The following AP2A1 variants were observed in gnomAD, a reference collection of about 807,000 sequenced individuals.
The protein encoded by AP2A1 is adaptor related protein complex 2 subunit alpha 1, also known as AP-2 complex subunit alpha-1.
A neutral mutation model predicts 107.3 loss-of-function variants in AP2A1; 21 were observed. That is an observed-to-expected ratio of 0.20 (90% confidence interval 0.14 to 0.28). The LOEUF (loss-of-function observed/expected upper bound fraction) is 0.28. AP2A1 is among the 10% of genes least tolerant of loss of function. The probability of loss-of-function intolerance (pLI) is 1.00; values close to 1 mark genes in which losing one functional copy is unlikely to be tolerated. For synonymous variants in AP2A1, 602 were observed against 564.8 expected (o/e 1.07, Z -0.93); for missense variants, 873 against 1,307.7 (o/e 0.67, Z 5.13).
chr19:49,781,144 G>A (rs1177595303), intron 1 of AP2A1, among the ~76,000 whole-genome samples: 4 of 152,148 alleles, frequency 2.6e-5, no homozygotes, highest in Non-Finnish European at 5.9e-5. Context: ...CCACAAGCAG[G>A]TCCTGTCAGA....
Position 49,800,962 on chromosome 19 carries a change from C to T in AP2A1, c.1457C>T (p.Ala486Val), listed in dbSNP as rs776527462. ...QGYAAKTVFE[A>V]LQAPACHENM... Reference sequence around the variant, plus strand: ...CACGCCCTTCCCCACCCCACTCAGGCGCTCCAGGCCCCTGCCTGTCACGAG... The same window carrying T: ...CACGCCCTTCCCCACCCCACTCAGGTGCTCCAGGCCCCTGCCTGTCACGAG... Residue 486 changes from alanine (A) to valine (V), a missense_variant and splice_region_variant, in exon 12 of 23, where the codon GCG (alanine) becomes GTG (valine). Physicochemically the swap from Ala to Val is moderately conservative, Grantham distance 64. Transcript: ENST00000354293. The T allele has an allele frequency of 5.0e-6, 8 of 1,593,198 alleles. No homozygotes were observed. The highest frequency in any genetic ancestry group is 3.4e-5 in the South Asian group (3 of 87,688).
At chr19:49,777,096 G>A (rs1472965401) in intron 1 of AP2A1, among the ~76,000 whole-genome samples, 1 of 148,772 alleles carries the variant, frequency 6.7e-6, no homozygotes, top group Non-Finnish European at 1.5e-5. Flanking sequence ...AAAGCCAGGT[G>A]TGGTGGTGGG....
chr19:49,795,683 A>T lies in AP2A1; in HGVS notation c.759A>T (p.Pro253=), dbSNP rs1416253271. ...AGGACTACACCTACTACTTCGTCCC[A>T]GCACCCTGGCTCTCGGTGAAGCTCC... ...DLQDYTYYFV[P]APWLSVKLLR... is the part of the protein sequence containing the mutation. Residue 253 remains proline, a synonymous_variant, in exon 7 of 23, where the codon CCA becomes CCT. Transcript: ENST00000354293. 6.6e-7 allele frequency: 1 copy of T among 1,521,278 alleles called. No individual in the cohort carries two copies. The highest frequency in any genetic ancestry group is 1.5e-5 in the African/African-American group (1 of 66,854). 94.2% of individuals were successfully genotyped at this position (1,521,278 alleles called of 1,614,324 possible).
In AP2A1 at chr19:49,767,172, C is replaced by T. The variant is rs2084511019; in HGVS notation, c.39C>T (p.Leu13=). 1.2e-6 allele frequency: 2 copies of T among 1,611,878 alleles called. No homozygotes were observed. Among genetic ancestry groups the T allele is most frequent in the African/African-American group, 1.3e-5 (1 of 74,966 alleles). Reference sequence around the variant, plus strand: ...CCAAGGGCGATGGGATGCGGGGGCTCGCGGTGTTCATCTCCGACATCCGGA... The same window carrying T: ...CCAAGGGCGATGGGATGCGGGGGCTTGCGGTGTTCATCTCCGACATCCGGA... ...AVSKGDGMRG[L]AVFISDIRNC... Residue 13 remains leucine, a synonymous_variant, in exon 1 of 23, where the codon CTC becomes CTT. Transcript: ENST00000354293.
Position 49,806,092 on chromosome 19 carries a change from C to T in AP2A1, c.2656-27C>T, listed in dbSNP as rs369890021. On this transcript the variant is annotated intron_variant, in intron 21 of 22. Transcript: ENST00000354293. ...TGTGGTAACTAACAGCTCTGGCACA[C>T]TCTGACGGCGCCCCCCCTCCTCCCA... 1.3e-5 allele frequency: 20 copies of T among 1,575,072 alleles called. No homozygotes were observed. The African/African-American group carries it at 2.3e-4, about 18-fold the overall frequency.
intron 4 of AP2A1, among the ~76,000 whole-genome samples, chr19:49,789,604 T>G (rs918528684): frequency 3.3e-5 from 5 of 150,352 alleles, no homozygotes; most frequent in African/African-American, 7.4e-5. Context: ...TTTTTTTTTT[T>G]TTTTTGTAGA....
chr19:49,769,243 C>T lies in AP2A1; in HGVS notation c.67+2043C>T, dbSNP rs150949549. Among the ~76,000 whole-genome samples, 726 of 122,210 alleles carry T rather than the reference C, an allele frequency of 5.9e-3. 8 individuals are homozygous for T. Among genetic ancestry groups the T allele is most frequent in the African/African-American group, 0.022 (684 of 30,654 alleles). 80.2% of individuals were successfully genotyped at this position (122,210 alleles called of 152,430 possible). On this transcript the variant is annotated intron_variant, in intron 1 of 22. Coordinates refer to ENST00000354293, the MANE Select transcript of AP2A1 (RefSeq NM_130787.3). ...TCCAGGCTGGGCAACAAGAGTGAAACTCCGTCTCCAAAAATAAAAAAAAAG... is the reference window on the plus strand; with the variant it reads ...TCCAGGCTGGGCAACAAGAGTGAAATTCCGTCTCCAAAAATAAAAAAAAAG...
At position 49,779,487 on chromosome 19, in the gene AP2A1, CAAAAAAAA is replaced by C. The variant is rs370114853; in HGVS notation, c.68-2253_68-2246del. ...CACCACTGCACTCCAGCCTGGGCTA[CAAAAAAAA>C]AAAAAAAAAAAAAAAACAGAAACAG... On this transcript the variant is annotated intron_variant, in intron 1 of 22. Transcript: ENST00000354293. Among the ~76,000 whole-genome samples the C allele has an allele frequency of 3.6e-5, 3 of 83,958 alleles. No individual in the cohort carries two copies. In the South Asian group the frequency reaches 1.3e-3, roughly 35 times the overall value. 55.1% of individuals were successfully genotyped at this position (83,958 alleles called of 152,430 possible).
intron 3 of AP2A1, 74 bp from the exon 4 acceptor site, chr19:49,782,457 C>T (rs2123694447): frequency 1.3e-6 from 2 of 1,487,106 alleles, no homozygotes; most frequent in Admixed American, 4.1e-5. Flanking sequence ...GGCCTGGACT[C>T]CTGGGTCTGA....
chr19:49,791,808 C>T, intron 4 of AP2A1, 127 bp from the exon 5 acceptor site: 2 of 1,272,770 alleles, frequency 1.6e-6, no homozygotes, highest in Non-Finnish European at 2.1e-6. Context: ...GATCCTGCGG[C>T]CGCCTGGCTG....
rs760847774 is a variant in AP2A1 at position 49,806,672 on chromosome 19, C to A, written c.2791-9C>A. On this transcript the variant is annotated splice_polypyrimidine_tract_variant and intron_variant, in intron 22 of 22. Coordinates refer to ENST00000354293, the MANE Select transcript of AP2A1 (RefSeq NM_130787.3). The stretch of plus-strand genomic sequence containing the variant: ...TCCTCTGAGTTCTGCCCCCAATGCC[C>A]CCACCCAGATGTACCGGCTGACCCT... The A allele has an allele frequency of 2.5e-6, 4 of 1,612,516 alleles. No homozygotes were observed. Among genetic ancestry groups the A allele is most frequent in the Non-Finnish European group, 2.5e-6 (3 of 1,179,758 alleles).
intron 22 of AP2A1, 65 bp from the exon 23 acceptor site, chr19:49,806,616 C>T: frequency 6.2e-7 from 1 of 1,606,778 alleles, no homozygotes; most frequent in South Asian, 1.1e-5. Context: ...TTCTATCTCC[C>T]TTGGGTCCCG....
intron 12 of AP2A1, 104 bp downstream of exon 12, chr19:49,801,162 C>A: frequency 1.7e-6 from 2 of 1,167,366 alleles, no homozygotes; most frequent in Non-Finnish European, 2.4e-6. Context: ...GGGCTCCCAT[C>A]CTCTCGGCCT....
chr19:49,770,300 G>C (rs906877350), intron 1 of AP2A1, among the ~76,000 whole-genome samples: 3 of 152,154 alleles, frequency 2.0e-5, no homozygotes, highest in African/African-American at 7.2e-5. Context: ...GGAGATGCAG[G>C]CTTGGGGCAC....
Position 49,802,606 on chromosome 19 carries a change from G to A in AP2A1, c.2115-343G>A, listed in dbSNP as rs773194150. The A allele has an allele frequency of 1.1e-5, 18 of 1,584,100 alleles. No homozygotes were observed. In the Admixed American group the frequency reaches 3.0e-4, roughly 26 times the overall value. Reference sequence around the variant, plus strand: ...ACCCAGCTCCAGCTGCTGAGTAAGGGGTGGCCTGGGGTGGGAGGTCGGTCG... The same window carrying A: ...ACCCAGCTCCAGCTGCTGAGTAAGGAGTGGCCTGGGGTGGGAGGTCGGTCG... On this transcript the variant is annotated intron_variant, in intron 15 of 22. Transcript: ENST00000354293.
At chr19:49,786,932 C>T (rs931885524) in intron 4 of AP2A1, among the ~76,000 whole-genome samples, 3 of 152,186 alleles carry the variant, frequency 2.0e-5, no homozygotes, top group Non-Finnish European at 2.9e-5. Context: ...TCTAGGCTGC[C>T]CCCTCCACAC....
rs568218417 is a variant in AP2A1, at chr19:49,782,729, G to A, written c.473+5G>A. On this transcript the variant is annotated splice_donor_5th_base_variant and intron_variant, in intron 4 of 22. Coordinates refer to ENST00000354293, the MANE Select transcript of AP2A1 (RefSeq NM_130787.3). The stretch of plus-strand genomic sequence containing the variant: ...CCCCCGCATCCTGGTGGCCGGGTAA[G>A]GCACTGGGGACCCGTTGGCAGTGGG... The A allele has an allele frequency of 1.0e-4, 162 of 1,592,910 alleles. 1 individual carries two copies. In the South Asian group the frequency reaches 1.7e-3, roughly 17 times the overall value.
At position 49,799,374 on chromosome 19, in the gene AP2A1, T is replaced by C. The variant is rs2073248636; in HGVS notation, c.1013T>C (p.Leu338Pro). Residue 338 changes from leucine to proline, a missense_variant, in exon 9 of 23, where the codon CTG (leucine) becomes CCG (proline). Coordinates refer to ENST00000354293, the MANE Select transcript of AP2A1 (RefSeq NM_130787.3). ...VRACNQLGQFLQHRETNLRYL... is the reference protein window; with the variant it reads ...VRACNQLGQFPQHRETNLRYL... Reference sequence around the variant, plus strand: ...GCCTGCAACCAGCTGGGCCAGTTCCTGCAGCACCGGGAGACCAACCTGCGC... The same window carrying C: ...GCCTGCAACCAGCTGGGCCAGTTCCCGCAGCACCGGGAGACCAACCTGCGC... 6.2e-7 allele frequency: 1 copy of C among 1,612,168 alleles called. No individual in the cohort carries two copies. The highest frequency in any genetic ancestry group is 1.3e-5 in the African/African-American group (1 of 74,900).
chr19:49,790,850 C>T (rs2073132786), intron 4 of AP2A1, among the ~76,000 whole-genome samples: 1 of 152,200 alleles, frequency 6.6e-6, no homozygotes, highest in Non-Finnish European at 1.5e-5. Context: ...CGTGTGAATC[C>T]ACCCAGAGAC....
Sources: allele counts gnomAD v4.1 joint callset (sites outside exome capture counted in the v4.1 genomes callset), GRCh38; gene constraint gnomAD v4.1.1; transcripts MANE v1.5; gene names NCBI Gene and HGNC (gene_info 2026-07-23, HGNC 2026-07-21).